ZNF605: variants seen among roughly 807,000 people sequenced by gnomAD.
The protein encoded by ZNF605 is zinc finger protein 605.
Under a neutral mutation model 7.9 loss-of-function variants are expected in ZNF605, and 9 were observed. The ratio of observed to expected loss-of-function variants is 1.14; its 90% CI spans 0.68 to 1.98. The LOEUF (loss-of-function observed/expected upper bound fraction) is 1.98. Ranked by LOEUF, ZNF605 falls within the 30% of genes most tolerant of loss-of-function variation. The pLI is 0.00. For missense variants in ZNF605, 673 were observed against 762.4 expected (o/e 0.88, Z 1.38); for synonymous variants, 255 against 260.1 (o/e 0.98, Z 0.19).
intron 1 of ZNF605, among the ~76,000 whole-genome samples, chr12:132,953,236 G>C (rs934261755): frequency 2.4e-4 from 36 of 152,186 alleles, no homozygotes; most frequent in Admixed American, 2.2e-3. Flanking sequence ...AGGCCACCCA[G>C]TCTCTCTCCC....
rs569971022 is a variant in ZNF605, at chr12:132,918,965, C to G, written c.*6408G>C. 3 of 152,344 alleles carry G rather than the reference C, an allele frequency of 2.0e-5. No individual in the cohort carries two copies. The highest frequency in any genetic ancestry group is 7.2e-5 in the African/African-American group (3 of 41,562). 9.4% of individuals were successfully genotyped at this position (152,344 alleles called of 1,614,324 possible). On this transcript the variant is annotated 3_prime_UTR_variant, in exon 5 of 5. Coordinates refer to ENST00000360187, the MANE Select transcript of ZNF605 (RefSeq NM_183238.4). ...CATCATCTTCTTACAGAATCTGCTT[C>G]ATACAAACGCATTACACACAACAGG...
intron 3 of ZNF605, chr12:132,945,306 G>T: frequency 7.4e-6 from 7 of 945,784 alleles, no homozygotes; most frequent in South Asian, 1.4e-5. Context: ...TGCTTCTTTG[G>T]ACATCTTCTT....
chr12:132,927,736 A>G lies in ZNF605; in HGVS notation c.137-574T>C, dbSNP rs565580577. Among the ~76,000 whole-genome samples, 7 of 150,876 alleles carry G rather than the reference A, an allele frequency of 4.6e-5. No individual in the cohort carries two copies. In the South Asian group the frequency reaches 1.5e-3, roughly 32 times the overall value. On this transcript the variant is annotated intron_variant, in intron 4 of 4. Coordinates refer to ENST00000360187, the MANE Select transcript of ZNF605 (RefSeq NM_183238.4). Reference sequence around the variant, plus strand: ...CAGTGGTGCGATCTCAGCTCACCACAACCTCCACCTCCCGGGTTCAAGCGA... The same window carrying G: ...CAGTGGTGCGATCTCAGCTCACCACGACCTCCACCTCCCGGGTTCAAGCGA...
chr12:132,954,402 G>A (rs1222628315), intron 1 of ZNF605, among the ~76,000 whole-genome samples: 1 of 1,690 alleles, frequency 5.9e-4, no homozygotes, highest in Middle Eastern at 0.12. Flanking sequence ...TGCAGGTGAG[G>A]TGGGGAGGGG....
At chr12:132,951,244 C>T (rs1476194192) in intron 1 of ZNF605, among the ~76,000 whole-genome samples, 2 of 151,684 alleles carry the variant, frequency 1.3e-5, no homozygotes, top group Non-Finnish European at 2.9e-5. Context: ...CACTCAGACA[C>T]GTACATACAG....
chr12:132,940,747 A>C (rs11611532), intron 3 of ZNF605, among the ~76,000 whole-genome samples: 38,019 of 152,104 alleles, frequency 0.25, 5,038 homozygotes, highest in African/African-American at 0.34. Context: ...TAAAAAAAAA[A>C]TAATTTCAAC....
At chr12:132,955,535 T>C (rs1952627460) in intron 1 of ZNF605, among the ~76,000 whole-genome samples, 2 of 152,140 alleles carry the variant, frequency 1.3e-5, no homozygotes, top group Non-Finnish European at 2.9e-5. Flanking sequence ...CAAAGTCATA[T>C]AGGGAACGGG....
In ZNF605 at chr12:132,925,662, A is replaced by G; in HGVS notation, c.1637T>C (p.Val546Ala). ...SECGKAFVQK[V>A]QLIKHQRNHT... Reference sequence around the variant, plus strand: ...ATTTCTTTGATGCTTAATGAGCTGCACTTTCTGAACAAATGCTTTCCCACA... The same window carrying G: ...ATTTCTTTGATGCTTAATGAGCTGCGCTTTCTGAACAAATGCTTTCCCACA... Residue 546 changes from valine to alanine, a missense_variant, in exon 5 of 5, where the codon GTG becomes GCG. Transcript: ENST00000360187. The G allele has an allele frequency of 6.2e-7, 1 of 1,614,112 alleles. No individual in the cohort carries two copies. Among genetic ancestry groups the G allele is most frequent in the Non-Finnish European group, 8.5e-7 (1 of 1,180,008 alleles).
chr12:132,942,140 T>C (rs909834754), intron 3 of ZNF605, among the ~76,000 whole-genome samples: 8 of 152,198 alleles, frequency 5.3e-5, no homozygotes, highest in Non-Finnish European at 1.2e-4. Context: ...AAGTTTTGAT[T>C]ACTACATGGG....
chr12:132,931,078 C>T (rs1952304026), intron 4 of ZNF605, among the ~76,000 whole-genome samples: 1 of 152,074 alleles, frequency 6.6e-6, no homozygotes. Context: ...ACTGGGGAGG[C>T]TAAAGTGGGA....
chr12:132,929,786 A>T (rs1408024985), intron 4 of ZNF605, among the ~76,000 whole-genome samples: 1 of 152,028 alleles, frequency 6.6e-6, no homozygotes, highest in African/African-American at 2.4e-5. Context: ...TTCTACTAAA[A>T]ATACAACAAA....
At chr12:132,945,257 C>T in intron 3 of ZNF605, 1 of 706,130 alleles carries the variant, frequency 1.4e-6, no homozygotes, top group South Asian at 1.7e-5. Flanking sequence ...AGCCACCATG[C>T]CCAGCTGAGA....
In ZNF605 at chr12:132,935,108, A is replaced by G. The variant is rs113428028; in HGVS notation, c.16-1953T>C. Reference sequence around the variant, plus strand: ...TTTAAAAGGGAACGTGGAAACCTAGAGAGGTAAGCAGAGGCCAGCCTTCAG... The same window carrying G: ...TTTAAAAGGGAACGTGGAAACCTAGGGAGGTAAGCAGAGGCCAGCCTTCAG... On this transcript the variant is annotated intron_variant, in intron 3 of 4. Coordinates refer to ENST00000360187, the MANE Select transcript of ZNF605 (RefSeq NM_183238.4). Among the ~76,000 whole-genome samples the G allele has an allele frequency of 9.7e-3, 1,480 of 152,300 alleles. 25 individuals carry two copies. The highest frequency in any genetic ancestry group is 0.037 in the Middle Eastern group (11 of 294).
rs1305309544 is a variant in ZNF605, at chr12:132,933,317, GACTC to G, written c.16-166_16-163del. 8.5e-5 allele frequency among the ~76,000 whole-genome samples: 13 copies of G among 152,306 alleles called. No homozygotes were observed. The South Asian group carries it at 1.7e-3, about 19-fold the overall frequency. On this transcript the variant is annotated intron_variant, in intron 3 of 4. Coordinates refer to ENST00000360187, the MANE Select transcript of ZNF605 (RefSeq NM_183238.4). The surrounding 1 kb of genome is among the most constrained non-coding windows in gnomAD (Gnocchi z 4.4). Reference sequence around the variant, plus strand: ...ATCCTCCCCTCTTGACCGTGGGCTGGACTCACTGACTCATTGTCCTGAACAGAAC... The same window carrying G: ...ATCCTCCCCTCTTGACCGTGGGCTGGACTGACTCATTGTCCTGAACAGAAC...
At chr12:132,935,136 G>A (rs1435889508) in intron 3 of ZNF605, among the ~76,000 whole-genome samples, 1 of 152,120 alleles carries the variant, frequency 6.6e-6, no homozygotes, top group Non-Finnish European at 1.5e-5. Flanking sequence ...GCCTTCAGCT[G>A]GACTCAAGTA....
At chr12:132,942,045 T>C (rs1304701995) in intron 3 of ZNF605, among the ~76,000 whole-genome samples, 3 of 152,348 alleles carry the variant, frequency 2.0e-5, no homozygotes, top group African/African-American at 7.2e-5. Flanking sequence ...TTTATCTTTT[T>C]GGTTATGTAA....
intron 3 of ZNF605, among the ~76,000 whole-genome samples, chr12:132,943,557 C>T (rs1420203361): frequency 6.6e-6 from 1 of 152,094 alleles, no homozygotes; most frequent in Non-Finnish European, 1.5e-5. Flanking sequence ...ACCCAGGCAC[C>T]TGCACTCCAG....
chr12:132,939,720 T>A (rs1371649260), intron 3 of ZNF605, among the ~76,000 whole-genome samples: 1 of 152,192 alleles, frequency 6.6e-6, no homozygotes, highest in Non-Finnish European at 1.5e-5. Context: ...GCTCGGGTCC[T>A]CTTCCACACT....
At chr12:132,944,227 T>C (rs1337057108) in intron 3 of ZNF605, among the ~76,000 whole-genome samples, 1 of 151,974 alleles carries the variant, frequency 6.6e-6, no homozygotes, top group Non-Finnish European at 1.5e-5. Flanking sequence ...CCTTTACTTT[T>C]TTTTTTTTGA....
Sources: allele counts gnomAD v4.1 joint callset (sites outside exome capture counted in the v4.1 genomes callset), GRCh38; gene constraint gnomAD v4.1.1; non-coding constraint Gnocchi (gnomAD v3.1); transcripts MANE v1.5; gene names NCBI Gene and HGNC (gene_info 2026-07-23, HGNC 2026-07-21).